Variants in B3GAT2 observed in about 807,000 individuals in gnomAD.
The protein encoded by B3GAT2 is beta-1,3-glucuronyltransferase 2.
A neutral mutation model predicts 27.8 loss-of-function variants in B3GAT2; 26 were observed. The ratio of observed to expected loss-of-function variants is 0.93; its 90% CI spans 0.68 to 1.30. The LOEUF (loss-of-function observed/expected upper bound fraction) is 1.30. Ranked by LOEUF, B3GAT2 falls within the 50% of genes most tolerant of loss-of-function variation. The pLI, the probability that B3GAT2 is intolerant of heterozygous loss-of-function variation, is 0.00. For synonymous variants in B3GAT2, 218 were observed against 195.1 expected (o/e 1.12, Z -0.98); for missense variants, 458 against 459.0 (o/e 1.00, Z 0.02).
At chr6:70,869,348 T>C (rs1012279312) in intron 2 of B3GAT2, among the ~76,000 whole-genome samples, 2 of 152,162 alleles carry the variant, frequency 1.3e-5, no homozygotes, top group African/African-American at 4.8e-5. Flanking sequence ...AGTTTTCAAA[T>C]TGGGAAGTAT....
chr6:70,931,309 G>A (rs1773059743), intron 1 of B3GAT2, among the ~76,000 whole-genome samples: 2 of 151,906 alleles, frequency 1.3e-5, no homozygotes, highest in African/African-American at 4.8e-5. Context: ...TTGTGCACAT[G>A]TACCCTAGAA....
In B3GAT2 at chr6:70,858,298, T is replaced by A; in HGVS notation, c.*3365A>T. 18 of 1,216,220 alleles carry A rather than the reference T, an allele frequency of 1.5e-5. No individual in the cohort carries two copies. The highest frequency in any genetic ancestry group is 1.7e-5 in the Non-Finnish European group (16 of 920,756). 75.3% of individuals were successfully genotyped at this position (1,216,220 alleles called of 1,614,324 possible). A position where few individuals can be genotyped will look rare whatever the true frequency, so the allele number is the denominator to read the frequency against. On this transcript the variant is annotated 3_prime_UTR_variant, in exon 4 of 4. Transcript: ENST00000230053. Reference sequence around the variant, plus strand: ...TTTATTTTCTAAATCTTTTTTTTTTTTTTTTTTTTTTTTTTTTAAGTCTAG... The same window carrying A: ...TTTATTTTCTAAATCTTTTTTTTTTATTTTTTTTTTTTTTTTTAAGTCTAG...
intron 1 of B3GAT2, among the ~76,000 whole-genome samples, chr6:70,949,505 T>C (rs948097632): frequency 2.0e-5 from 3 of 148,596 alleles, no homozygotes; most frequent in African/African-American, 7.4e-5. Flanking sequence ...CACAATGAGA[T>C]ACCATCTCAC....
chr6:70,944,532 T>A (rs1420812595), intron 1 of B3GAT2, among the ~76,000 whole-genome samples: 2 of 152,126 alleles, frequency 1.3e-5, no homozygotes, highest in African/African-American at 4.8e-5. Context: ...GTGCCCGCAA[T>A]TGCCCAGGCT....
intron 2 of B3GAT2, among the ~76,000 whole-genome samples, chr6:70,872,783 CTTTA>C (rs1304017618): frequency 2.6e-5 from 4 of 151,816 alleles, no homozygotes; most frequent in African/African-American, 9.7e-5. Context: ...TTACTGCCTT[CTTTA>C]TTATTAAACA....
intron 2 of B3GAT2, among the ~76,000 whole-genome samples, chr6:70,889,100 T>C (rs1323106061): frequency 1.3e-5 from 2 of 152,220 alleles, no homozygotes; most frequent in East Asian, 3.9e-4. Flanking sequence ...TGGCGGACGG[T>C]CAATTCCAAC....
At chr6:70,891,019 C>T (rs191584835) in intron 2 of B3GAT2, among the ~76,000 whole-genome samples, 1 of 152,226 alleles carries the variant, frequency 6.6e-6, no homozygotes, top group African/African-American at 2.4e-5. Context: ...TTCAAGCAGT[C>T]GTTCTTACTG....
chr6:70,889,407 G>A (rs895665127), intron 2 of B3GAT2, among the ~76,000 whole-genome samples: 1 of 152,028 alleles, frequency 6.6e-6, no homozygotes, highest in Non-Finnish European at 1.5e-5. Context: ...CTGCCTCCTA[G>A]TCATGCTCCC....
At chr6:70,947,259 CA>C in intron 1 of B3GAT2, among the ~76,000 whole-genome samples, 1 of 151,516 alleles carries the variant, frequency 6.6e-6, no homozygotes, top group Admixed American at 6.6e-5. Flanking sequence ...AATAGAGACA[CA>C]AAAAACCCTT....
intron 1 of B3GAT2, among the ~76,000 whole-genome samples, chr6:70,954,330 T>A (rs114447870): frequency 1.2e-3 from 176 of 152,304 alleles, no homozygotes; most frequent in African/African-American, 3.4e-3. Flanking sequence ...AATGCCAAGC[T>A]TATTTATTCA....
intron 1 of B3GAT2, among the ~76,000 whole-genome samples, chr6:70,944,129 A>T (rs1354723175): frequency 6.6e-6 from 1 of 152,168 alleles, no homozygotes; most frequent in Non-Finnish European, 1.5e-5. Flanking sequence ...TCCGGTCTAC[A>T]GCTCCCAGCG....
intron 1 of B3GAT2, among the ~76,000 whole-genome samples, chr6:70,945,069 C>CTG (rs1441704194): frequency 1.3e-5 from 2 of 152,172 alleles, no homozygotes; most frequent in Non-Finnish European, 2.9e-5. Context: ...AAAAACCCAT[C>CTG]TGTACATCAC....
chr6:70,895,086 C>T (rs1772356807), intron 1 of B3GAT2, among the ~76,000 whole-genome samples: 1 of 152,192 alleles, frequency 6.6e-6, no homozygotes, highest in African/African-American at 2.4e-5. Flanking sequence ...GAAAAAGGTG[C>T]CCCTTTCTCG....
chr6:70,860,275 A>ACAGCAGGATGGTCTGGAAG lies in B3GAT2; in HGVS notation c.*1369_*1387dup. 6.2e-7 allele frequency: 1 copy of ACAGCAGGATGGTCTGGAAG among 1,613,842 alleles called. No individual in the cohort carries two copies. The highest frequency in any genetic ancestry group is 2.2e-5 in the East Asian group (1 of 44,874). On this transcript the variant is annotated 3_prime_UTR_variant, in exon 4 of 4. Coordinates refer to ENST00000230053, the MANE Select transcript of B3GAT2 (RefSeq NM_080742.3). The stretch of plus-strand genomic sequence containing the variant: ...AGGTTTTGGCCAGCCCTCCAGCACA[A>ACAGCAGGATGGTCTGGAAG]CAGCAGGATGGTCTGGAAGCTCATC...
At chr6:70,941,633 G>A (rs1029563772) in intron 1 of B3GAT2, among the ~76,000 whole-genome samples, 7 of 152,066 alleles carry the variant, frequency 4.6e-5, no homozygotes, top group Admixed American at 1.3e-4. Flanking sequence ...TAGGGACCAC[G>A]TTTATCTTCC....
chr6:70,926,409 A>C lies in B3GAT2; in HGVS notation c.591+29430T>G, dbSNP rs145613799. Among the ~76,000 whole-genome samples the C allele has an allele frequency of 4.2e-3, 644 of 152,346 alleles. 4 individuals are homozygous for C. Among genetic ancestry groups the C allele is most frequent in the African/African-American group, 0.014 (590 of 41,578 alleles). ...AAGGAGGGTGTTCGAACCCATCTCA[A>C]AGAAGCTAAAAACCTGGAAAAACGA... On this transcript the variant is annotated intron_variant, in intron 1 of 3. Transcript: ENST00000230053.
intron 1 of B3GAT2, among the ~76,000 whole-genome samples, chr6:70,942,426 T>C (rs1765409939): frequency 1.3e-5 from 2 of 152,138 alleles, no homozygotes; most frequent in South Asian, 2.1e-4. Flanking sequence ...GGTCCACAAA[T>C]ATGGTTTTCT....
At chr6:70,871,081 T>C (rs1057225337) in intron 2 of B3GAT2, among the ~76,000 whole-genome samples, 2 of 152,030 alleles carry the variant, frequency 1.3e-5, no homozygotes, top group African/African-American at 4.8e-5. Flanking sequence ...AATAATCTTA[T>C]ATTCCAGGGA....
chr6:70,895,811 T>TAACTTTTAC (rs552944735), intron 1 of B3GAT2, among the ~76,000 whole-genome samples: 116 of 150,856 alleles, frequency 7.7e-4, no homozygotes, highest in South Asian at 7.5e-3. Flanking sequence ...TGTCTTGTGC[T>TAACTTTTAC]AACTCACACT....
Sources: allele counts gnomAD v4.1 joint callset (sites outside exome capture counted in the v4.1 genomes callset), GRCh38; gene constraint gnomAD v4.1.1; transcripts MANE v1.5; gene names NCBI Gene and HGNC (gene_info 2026-07-23, HGNC 2026-07-21).